The following SAXO1 variants were observed in gnomAD, a reference collection of about 807,000 sequenced individuals.
SAXO1 encodes the protein 4930500O09Rik.
Under a neutral mutation model 17.5 loss-of-function variants are expected in SAXO1, and 21 were observed. The ratio of observed to expected loss-of-function variants is 1.20; its 90% CI spans 0.85 to 1.72. The LOEUF (loss-of-function observed/expected upper bound fraction) is 1.72, where lower values mean the gene tolerates loss of function less well. Ranked by LOEUF, SAXO1 falls within the 40% of genes most tolerant of loss-of-function variation. The pLI is 0.00. For missense variants in SAXO1, 843 were observed against 596.0 expected (o/e 1.41, Z -4.32); for synonymous variants, 274 against 216.5 (o/e 1.27, Z -2.33).
rs200791962 is a variant in SAXO1 at position 18,941,737 on chromosome 9, T to C, written c.321A>G (p.Lys107=). 3.1e-6 allele frequency: 5 copies of C among 1,613,772 alleles called. No individual in the cohort carries two copies. Among genetic ancestry groups the C allele is most frequent in the East Asian group, 2.2e-5 (1 of 44,894 alleles). The change falls in exon 3 of 4, where the codon AAA becomes AAG. Residue 107 remains lysine (K), a synonymous_variant. Transcript: ENST00000380534. Reference sequence around the variant, plus strand: ...GACAGACAGGGTAGGGATTGTAATCTTTCTTATACGTCGTGAGCAAATCCA... The same window carrying C: ...GACAGACAGGGTAGGGATTGTAATCCTTCTTATACGTCGTGAGCAAATCCA... ...ENMDLLTTYK[K]DYNPYPVCRV...
intron 1 of SAXO1, among the ~76,000 whole-genome samples, chr9:19,016,694 C>A (rs1301170482): frequency 6.6e-6 from 1 of 152,050 alleles, no homozygotes; most frequent in Non-Finnish European, 1.5e-5. Flanking sequence ...AGATTAGAAA[C>A]CCTGCTCTAA....
At chr9:18,979,111 A>C (rs2131815242) in intron 1 of SAXO1, among the ~76,000 whole-genome samples, 1 of 152,322 alleles carries the variant, frequency 6.6e-6, no homozygotes, top group South Asian at 2.1e-4. Context: ...GCCATGTTTG[A>C]ATGTCTACTA....
At chr9:19,012,152 T>A (rs937920393) in intron 1 of SAXO1, among the ~76,000 whole-genome samples, 1 of 152,040 alleles carries the variant, frequency 6.6e-6, no homozygotes, top group Non-Finnish European at 1.5e-5. Flanking sequence ...CAAGGATAGA[T>A]TTTTTTTAAT....
chr9:19,032,556 G>A (rs187285669), intron 1 of SAXO1, among the ~76,000 whole-genome samples: 550 of 152,298 alleles, frequency 3.6e-3, no homozygotes, highest in Admixed American at 5.1e-3. Context: ...CACTGGGCCA[G>A]GTGTTCTCCC....
intron 2 of SAXO1, among the ~76,000 whole-genome samples, chr9:18,944,158 G>A (rs1831697249): frequency 6.6e-6 from 1 of 151,750 alleles, no homozygotes; most frequent in South Asian, 2.1e-4. Context: ...GTTCCTCTAT[G>A]GTTTAATTTA....
intron 1 of SAXO1, among the ~76,000 whole-genome samples, chr9:18,984,067 G>A (rs1029950538): frequency 2.0e-5 from 3 of 152,104 alleles, no homozygotes; most frequent in Non-Finnish European, 2.9e-5. Context: ...AGAGCTCTTG[G>A]GTGACTAAGT....
chr9:19,027,015 T>C (rs879066858), intron 1 of SAXO1: 6 of 856,600 alleles, frequency 7.0e-6, no homozygotes, highest in Non-Finnish European at 1.2e-5. Context: ...CATGAAGAGT[T>C]AACTGTTGAG....
intron 1 of SAXO1, among the ~76,000 whole-genome samples, chr9:19,014,107 G>A (rs1198001838): frequency 6.6e-6 from 1 of 152,094 alleles, no homozygotes; most frequent in Non-Finnish European, 1.5e-5. Context: ...AGGTAGAGTA[G>A]GGGCTTGATT....
chr9:19,001,029 C>T (rs910588695), intron 1 of SAXO1, among the ~76,000 whole-genome samples: 9 of 152,214 alleles, frequency 5.9e-5, no homozygotes, highest in African/African-American at 7.2e-5. Flanking sequence ...GACAGATCAA[C>T]GAGATCTGTC....
At chr9:18,976,999 CATTATTGCTAATGG>C (rs1833180633) in intron 1 of SAXO1, among the ~76,000 whole-genome samples, 2 of 152,192 alleles carry the variant, frequency 1.3e-5, no homozygotes, top group Non-Finnish European at 1.5e-5. Flanking sequence ...CCTTTTTCTT[CATTATTGCTAATGG>C]ATTATAGCTC....
intron 1 of SAXO1, among the ~76,000 whole-genome samples, chr9:19,014,325 G>C (rs1044030347): frequency 6.6e-6 from 1 of 151,848 alleles, no homozygotes; most frequent in African/African-American, 2.4e-5. Context: ...AGCTGGGCGT[G>C]GGGGTGGGCA....
At chr9:19,041,161 G>GAAAAAA in intron 1 of SAXO1, among the ~76,000 whole-genome samples, 1 of 73,040 alleles carries the variant, frequency 1.4e-5, no homozygotes, top group East Asian at 4.5e-4. Context: ...TGAACAATCT[G>GAAAAAA]AAAAAAAAAA....
Position 19,044,602 on chromosome 9 carries a change from G to A in SAXO1, c.-158+4607C>T, listed in dbSNP as rs1199165904. ...GAATCCGGCGGGCGCGGTAGCTCACGCCTGTAATCCCAGTACTTTGGGAGG... is the reference window on the plus strand; with the variant it reads ...GAATCCGGCGGGCGCGGTAGCTCACACCTGTAATCCCAGTACTTTGGGAGG... On this transcript the variant is annotated intron_variant, in intron 1 of 3. Coordinates refer to the SAXO1 transcript ENST00000542071. 2.6e-5 allele frequency among the ~76,000 whole-genome samples: 4 copies of A among 152,138 alleles called. No individual in the cohort carries two copies. In the East Asian group the frequency reaches 5.8e-4, roughly 22 times the overall value.
At chr9:18,948,033 G>T (rs1831867551) in intron 2 of SAXO1, among the ~76,000 whole-genome samples, 1 of 152,192 alleles carries the variant, frequency 6.6e-6, no homozygotes, top group Admixed American at 6.5e-5. Context: ...TAAAGAAGTG[G>T]GTGGGATGTT....
chr9:18,966,128 C>G (rs1035811028), intron 1 of SAXO1, among the ~76,000 whole-genome samples: 1 of 152,244 alleles, frequency 6.6e-6, no homozygotes, highest in Non-Finnish European at 1.5e-5. Context: ...GTCTGATGGG[C>G]TTCCCTTTGT....
intron 1 of SAXO1, among the ~76,000 whole-genome samples, chr9:18,996,448 G>A (rs539092253): frequency 6.6e-6 from 1 of 152,336 alleles, no homozygotes; most frequent in East Asian, 1.9e-4. Context: ...AGCCTGTACA[G>A]CATGTGACTA....
chr9:18,999,447 G>T (rs975885854), intron 1 of SAXO1, among the ~76,000 whole-genome samples: 1 of 151,448 alleles, frequency 6.6e-6, no homozygotes, highest in Admixed American at 6.6e-5. Flanking sequence ...GCCTCCACCC[G>T]GCTGCCCCAC....
chr9:18,944,773 G>A (rs959170952), intron 2 of SAXO1, among the ~76,000 whole-genome samples: 16 of 152,154 alleles, frequency 1.1e-4, no homozygotes, highest in African/African-American at 3.6e-4. Flanking sequence ...AGGAAATAAC[G>A]TAACAGTGAG....
rs549732069 is a variant in SAXO1 at position 18,993,728 on chromosome 9, A to T, written c.38+39143T>A. ...GCAAGGCGAACCAACAGTCATCAAG[A>T]CCTTCATATGGAGACCCTAGGCTGG... On this transcript the variant is annotated intron_variant, in intron 1 of 3. Coordinates refer to ENST00000380534, the MANE Select transcript of SAXO1 (RefSeq NM_153707.4). 1.8e-4 allele frequency among the ~76,000 whole-genome samples: 27 copies of T among 152,262 alleles called. No homozygotes were observed. The South Asian group carries it at 5.4e-3, about 30-fold the overall frequency.
Sources: gnomAD v4.1 joint callset for allele counts (sites outside exome capture counted in the v4.1 genomes callset) on GRCh38, gnomAD v4.1.1 for gene constraint, MANE v1.5 for transcripts, NCBI Gene and HGNC (gene_info 2026-07-23, HGNC 2026-07-21) for gene names.